GPATCH11: variants seen among roughly 807,000 people sequenced by gnomAD.
The protein encoded by GPATCH11 is G-patch domain containing 11.
Under a neutral mutation model 44.8 loss-of-function variants are expected in GPATCH11, and 32 were observed. That is an observed-to-expected ratio of 0.71 (90% CI 0.54 to 0.96). The LOEUF is 0.96. GPATCH11 is among the 40% of genes least tolerant of loss of function. The pLI, the probability that GPATCH11 is intolerant of heterozygous loss-of-function variation, is 0.00. For synonymous variants in GPATCH11, 84 were observed against 94.4 expected (o/e 0.89, Z 0.64); for missense variants, 324 against 303.1 (o/e 1.07, Z -0.51).
At position 37,092,035 on chromosome 2, in the gene GPATCH11, C is replaced by G. The variant is rs781700977; in HGVS notation, c.448C>G (p.Arg150Gly). Residue 150 changes from arginine to glycine, a missense_variant and splice_region_variant, in exon 5 of 9, where the codon CGA (arginine) becomes GGA (glycine). By Grantham distance (125) the Arg-to-Gly change is moderately radical. Coordinates refer to ENST00000674370, the MANE Select transcript of GPATCH11 (RefSeq NM_174931.4). ...QAEEKAAEQF[R>G]MRLKNKQDEM... ...TGAAGAAAAAGCTGCAGAACAGTTTCGGTAAAACTATTTTTGAGCTGGTTT... is the reference window on the plus strand; with the variant it reads ...TGAAGAAAAAGCTGCAGAACAGTTTGGGTAAAACTATTTTTGAGCTGGTTT... The G allele has an allele frequency of 6.2e-7, 1 of 1,612,036 alleles. No homozygotes were observed. Among genetic ancestry groups the G allele is most frequent in the East Asian group, 2.2e-5 (1 of 44,758 alleles).
Position 37,092,199 on chromosome 2 carries a change from C to G in GPATCH11, c.484C>G (p.Leu162Val), listed in dbSNP as rs760518642. The G allele has an allele frequency of 1.4e-5, 22 of 1,560,280 alleles. No homozygotes were observed. In the Admixed American group the frequency reaches 4.3e-4, roughly 30 times the overall value. ...RLKNKQDEMK[L>V]EGDLRRSQRA... Reference sequence around the variant, plus strand: ...TAAAAATAAGCAAGATGAAATGAAGCTAGAAGGAGATCTCAGAAGAAGCCA... The same window carrying G: ...TAAAAATAAGCAAGATGAAATGAAGGTAGAAGGAGATCTCAGAAGAAGCCA... Residue 162 changes from leucine (L) to valine (V), a missense_variant, in exon 6 of 9, where the codon CTA (leucine) becomes GTA (valine). Transcript: ENST00000674370.
chr2:37,094,047 A>C, intron 6 of GPATCH11, 35 bp from the exon 7 acceptor site: 2 of 1,150,456 alleles, frequency 1.7e-6, no homozygotes, highest in Non-Finnish European at 2.6e-6. Context: ...TCTTATGTTT[A>C]GTATGTTTAA....
intron 7 of GPATCH11, among the ~76,000 whole-genome samples, chr2:37,095,095 A>T (rs1224319394): frequency 6.6e-6 from 1 of 152,228 alleles, no homozygotes; most frequent in Non-Finnish European, 1.5e-5. Context: ...CTTTTATGGC[A>T]AAAGGAGGCC....
At position 37,096,209 on chromosome 2, in the gene GPATCH11, TA is replaced by T; in HGVS notation, c.741del (p.Glu248LysfsTer26). On this transcript the variant is annotated frameshift_variant and splice_region_variant, in exon 9 of 9. Transcript: ENST00000674370. LOFTEE classifies it high-confidence loss of function. ...TCATTTCCCTCACATAACTTACAGA[TA>T]AAGAAGACCTATCTTCAAATTGTCC... is the stretch of plus-strand genomic sequence containing the variant. ...CIWCGTAYED[K>X]EDLSSNCPGP... 6.4e-7 allele frequency: 1 copy of T among 1,565,226 alleles called. No individual in the cohort carries two copies. The highest frequency in any genetic ancestry group is 1.2e-5 in the South Asian group (1 of 84,568).
chr2:37,094,000 G>T (rs779929594), intron 6 of GPATCH11, 82 bp from the exon 7 acceptor site: 6 of 899,226 alleles, frequency 6.7e-6, no homozygotes, highest in Non-Finnish European at 1.1e-5. Flanking sequence ...CGTATTGAAA[G>T]AATGAATTCA....
At chr2:37,092,103 G>T in intron 5 of GPATCH11, 62 bp from the exon 6 acceptor site, 2 of 1,573,930 alleles carry the variant, frequency 1.3e-6, no homozygotes, top group Non-Finnish European at 1.7e-6. Flanking sequence ...TCTGGTACTT[G>T]GGCATATAAA....
chr2:37,094,142 G>T lies in GPATCH11; in HGVS notation c.601G>T (p.Asp201Tyr). The T allele has an allele frequency of 6.3e-7, 1 of 1,587,630 alleles. No individual in the cohort carries two copies. Among genetic ancestry groups the T allele is most frequent in the Non-Finnish European group, 8.6e-7 (1 of 1,166,186 alleles). The change falls in exon 7 of 9, where the codon GAT becomes TAT. Residue 201 changes from aspartate to tyrosine, a missense_variant. Coordinates refer to ENST00000674370, the MANE Select transcript of GPATCH11 (RefSeq NM_174931.4). ...WLRLEEETEE[D>Y]EEEKEQDEDE... ...GAGGCTTGAAGAGGAGACTGAAGAAGATGAAGAAGAAAAAGAACAGGATGA... is the reference window on the plus strand; with the variant it reads ...GAGGCTTGAAGAGGAGACTGAAGAATATGAAGAAGAAAAAGAACAGGATGA...
At chr2:37,092,490 T>A (rs978178874) in intron 6 of GPATCH11, among the ~76,000 whole-genome samples, 8 of 82,820 alleles carry the variant, frequency 9.7e-5, no homozygotes, top group African/African-American at 2.5e-4. Context: ...ATATATATAT[T>A]ATATATATAT....
Position 37,084,553 on chromosome 2 carries a change from C to T in GPATCH11, c.-31C>T, listed in dbSNP as rs1572969598. 9.7e-6 allele frequency: 12 copies of T among 1,230,810 alleles called. No individual in the cohort carries two copies. The highest frequency in any genetic ancestry group is 1.2e-5 in the Non-Finnish European group (12 of 988,158). 76.2% of individuals were successfully genotyped at this position (1,230,810 alleles called of 1,614,324 possible). On this transcript the variant is annotated 5_prime_UTR_variant, in exon 1 of 9. Coordinates refer to ENST00000674370, the MANE Select transcript of GPATCH11 (RefSeq NM_174931.4). ...CGCGCTCTACGGCGCTGAACCGGGG[C>T]GAGCAGAGAGCTGTCAGGTAAGAGA...
rs867631775 is a variant in GPATCH11, at chr2:37,096,506, G to A, written c.*243G>A. 3.6e-5 allele frequency: 16 copies of A among 442,090 alleles called. No homozygotes were observed. The highest frequency in any genetic ancestry group is 5.6e-5 in the Non-Finnish European group (14 of 247,812). The allele number at this position is 442,090 out of a possible 1,614,324, so 27.4% of individuals were successfully genotyped here. On this transcript the variant is annotated 3_prime_UTR_variant, in exon 9 of 9. Transcript: ENST00000674370. The stretch of plus-strand genomic sequence containing the variant: ...ACAATTTATTGCTATATTGTGATAC[G>A]TGAGGGGTTTAAGGACACCAACAGG...
intron 1 of GPATCH11, among the ~76,000 whole-genome samples, chr2:37,087,007 A>T (rs1374602598): frequency 2.0e-5 from 3 of 152,146 alleles, no homozygotes; most frequent in African/African-American, 7.2e-5. Flanking sequence ...CATTTTCTCT[A>T]TCTGGCTTCA....
In GPATCH11 at chr2:37,090,689, A is replaced by G; in HGVS notation, c.295A>G (p.Ile99Val). 1 of 1,472,160 alleles carries G rather than the reference A, an allele frequency of 6.8e-7. No individual in the cohort carries two copies. The highest frequency in any genetic ancestry group is 9.3e-7 in the Non-Finnish European group (1 of 1,080,452). 91.2% of individuals were successfully genotyped at this position (1,472,160 alleles called of 1,614,324 possible). A position where few individuals can be genotyped will look rare whatever the true frequency, so the allele number is the denominator to read the frequency against. ...TATTCATTCTCTTTAAGGGGGTGGTATTGTTGAACCAATTCCTCTCAATAT... is the reference window on the plus strand; with the variant it reads ...TATTCATTCTCTTTAAGGGGGTGGTGTTGTTGAACCAATTCCTCTCAATAT... ...GQALGKSGGG[I>V]VEPIPLNIKT... The change falls in exon 4 of 9, where the codon ATT becomes GTT. Residue 99 changes from isoleucine to valine, a missense_variant. Transcript: ENST00000674370.
chr2:37,098,148 C>A lies in GPATCH11; in HGVS notation c.*1885C>A, dbSNP rs577724029. On this transcript the variant is annotated 3_prime_UTR_variant, in exon 9 of 9. Transcript: ENST00000674370. ...GACCAACCTGGCCAACATGGTGAAA[C>A]CCCATCTCTACTAAAAATACAAAAA... The A allele has an allele frequency of 6.6e-6, 1 of 151,900 alleles. No homozygotes were observed. The highest frequency in any genetic ancestry group is 2.4e-5 in the African/African-American group (1 of 41,438). 9.4% of individuals were successfully genotyped at this position (151,900 alleles called of 1,614,324 possible). A position where few individuals can be genotyped will look rare whatever the true frequency, so the allele number is the denominator to read the frequency against.
intron 1 of GPATCH11, among the ~76,000 whole-genome samples, chr2:37,086,093 A>G (rs1673024474): frequency 6.6e-6 from 1 of 152,130 alleles, no homozygotes; most frequent in Admixed American, 6.5e-5. Flanking sequence ...CAAAAAATCA[A>G]CTCCATCATC....
chr2:37,088,266 A>C, intron 1 of GPATCH11, 103 bp from the exon 2 acceptor site: 2 of 483,442 alleles, frequency 4.1e-6, no homozygotes, highest in East Asian at 6.5e-5. Context: ...GGGCACTTGA[A>C]TATATAGTAG....
chr2:37,096,473 G>T lies in GPATCH11; in HGVS notation c.*210G>T. 3.8e-6 allele frequency: 2 copies of T among 522,790 alleles called. No individual in the cohort carries two copies. The highest frequency in any genetic ancestry group is 3.6e-5 in the East Asian group (1 of 27,932). The allele number at this position is 522,790 out of a possible 1,614,324, so 32.4% of individuals were successfully genotyped here. A position where few individuals can be genotyped will look rare whatever the true frequency, so the allele number is the denominator to read the frequency against. On this transcript the variant is annotated 3_prime_UTR_variant, in exon 9 of 9. Coordinates refer to ENST00000674370, the MANE Select transcript of GPATCH11 (RefSeq NM_174931.4). The stretch of plus-strand genomic sequence containing the variant: ...TTCAGAACACAAGTATCACAGAGAT[G>T]GACAGTTACAATTTATTGCTATATT...
At chr2:37,092,373 TTA>T (rs951817647) in intron 6 of GPATCH11, 118 bp downstream of exon 6, 24 of 184,164 alleles carry the variant, frequency 1.3e-4, no homozygotes, top group African/African-American at 2.5e-4. Flanking sequence ...TATATATGTA[TTA>T]TATGTTTATA....
intron 2 of GPATCH11, among the ~76,000 whole-genome samples, chr2:37,089,212 A>C (rs759083739): frequency 5.3e-5 from 8 of 152,212 alleles, no homozygotes; most frequent in Non-Finnish European, 8.8e-5. Context: ...ATAATAACAA[A>C]GATGATCATA....
intron 3 of GPATCH11, 89 bp from the exon 4 acceptor site, chr2:37,090,592 A>G: frequency 1.5e-6 from 1 of 663,128 alleles, no homozygotes; most frequent in South Asian, 1.9e-5. Context: ...AGGAGGGCAT[A>G]TGCATAGAGC....
Sources: gnomAD v4.1 joint callset for allele counts (sites outside exome capture counted in the v4.1 genomes callset) on GRCh38, gnomAD v4.1.1 for gene constraint, MANE v1.5 for transcripts, NCBI Gene and HGNC (gene_info 2026-07-23, HGNC 2026-07-21) for gene names.